The following WSCD2 variants were observed in gnomAD, a reference collection of about 807,000 sequenced individuals.
WSCD2 encodes the protein sialate:O-sulfotransferase 2.
A neutral mutation model predicts 55.7 loss-of-function variants in WSCD2; 28 were observed. The ratio of observed to expected loss-of-function variants is 0.50; its 90% CI spans 0.37 to 0.69. The LOEUF (loss-of-function observed/expected upper bound fraction) is 0.69. Ranked by LOEUF, WSCD2 falls within the 30% of genes least tolerant of loss-of-function variation. The pLI is 0.00. For synonymous variants in WSCD2, 301 were observed against 301.9 expected, an observed-to-expected ratio of 1.00 and a Z score of 0.03; for missense variants, 616 against 762.1, an observed-to-expected ratio of 0.81 and a Z score of 2.26.
intron 1 of WSCD2, among the ~76,000 whole-genome samples, chr12:108,158,868 C>T (rs548993416): frequency 6.6e-6 from 1 of 152,232 alleles, no homozygotes; most frequent in South Asian, 2.1e-4. Context: ...AAAGCAGATC[C>T]CACCCCACCC....
At chr12:108,228,367 T>C (rs1200133238) in intron 6 of WSCD2, among the ~76,000 whole-genome samples, 3 of 152,200 alleles carry the variant, frequency 2.0e-5, no homozygotes, top group East Asian at 3.8e-4. Flanking sequence ...ACTTTACAGA[T>C]GACAGAACTA....
chr12:108,235,904 T>C (rs1225034064), intron 7 of WSCD2, among the ~76,000 whole-genome samples: 1 of 152,180 alleles, frequency 6.6e-6, no homozygotes, highest in Non-Finnish European at 1.5e-5. Flanking sequence ...AAGAGCCGCT[T>C]GCCCCCCAAC....
chr12:108,152,644 G>T (rs565474418), intron 1 of WSCD2, among the ~76,000 whole-genome samples: 1 of 152,334 alleles, frequency 6.6e-6, no homozygotes, highest in East Asian at 1.9e-4. Flanking sequence ...GCCTTTGGAG[G>T]CCAGGTGGGT....
At chr12:108,216,587 G>A (rs1426361) in intron 4 of WSCD2, among the ~76,000 whole-genome samples, 101,950 of 152,180 alleles carry the variant, frequency 0.67, 34,519 homozygotes, top group East Asian at 0.71. Context: ...GTGAACCTTG[G>A]CTACCTGGAA....
intron 1 of WSCD2, among the ~76,000 whole-genome samples, chr12:108,194,268 G>C (rs555157607): frequency 6.6e-6 from 1 of 152,298 alleles, no homozygotes; most frequent in African/African-American, 2.4e-5. Flanking sequence ...GCTCTCAGGT[G>C]ATTCTGAATC....
At chr12:108,220,442 G>A (rs1481124551) in intron 4 of WSCD2, among the ~76,000 whole-genome samples, 1 of 152,214 alleles carries the variant, frequency 6.6e-6, no homozygotes, top group Non-Finnish European at 1.5e-5. Context: ...GAATGGGAGA[G>A]TTCAATGAGA....
In WSCD2 at chr12:108,168,626, A is replaced by G. The variant is rs114123493; in HGVS notation, c.-551-26656A>G. ...AATGGGGATACTGTGACTAGTACCTATCTCATGGGGTTGTTGCAGTGATTA... is the reference window on the plus strand; with the variant it reads ...AATGGGGATACTGTGACTAGTACCTGTCTCATGGGGTTGTTGCAGTGATTA... On this transcript the variant is annotated intron_variant, in intron 1 of 8. Transcript: ENST00000547525. 5.6e-3 allele frequency among the ~76,000 whole-genome samples: 848 copies of G among 152,308 alleles called. 7 individuals are homozygous for G. The highest frequency in any genetic ancestry group is 0.02 in the African/African-American group (818 of 41,578).
rs117692379 is a variant in WSCD2 at position 108,234,587 on chromosome 12, G to A, written c.1144+1692G>A. 5.0e-3 allele frequency among the ~76,000 whole-genome samples: 760 copies of A among 152,340 alleles called. 4 individuals carry two copies. Among genetic ancestry groups the A allele is most frequent in the Non-Finnish European group, 8.3e-3 (564 of 68,028 alleles). On this transcript the variant is annotated intron_variant, in intron 7 of 8. Coordinates refer to ENST00000547525, the MANE Select transcript of WSCD2 (RefSeq NM_014653.4). Reference sequence around the variant, plus strand: ...ATATCAGGATTTGAACCCAGGGCTGGCTGTCAGCAGTCCCTATGATCTTAA... The same window carrying A: ...ATATCAGGATTTGAACCCAGGGCTGACTGTCAGCAGTCCCTATGATCTTAA...
intron 1 of WSCD2, among the ~76,000 whole-genome samples, chr12:108,140,700 G>C (rs1876705952): frequency 6.6e-6 from 1 of 152,100 alleles, no homozygotes; most frequent in Admixed American, 6.5e-5. Context: ...CCCCAGCCAG[G>C]GGCCTTTCCT....
At chr12:108,247,765 CA>C (rs1890187514) in intron 8 of WSCD2, among the ~76,000 whole-genome samples, 1 of 152,182 alleles carries the variant, frequency 6.6e-6, no homozygotes, top group Admixed American at 6.5e-5. Context: ...CTATGTTGCC[CA>C]GGCTGGTCTT....
chr12:108,228,224 G>T (rs549753492), intron 6 of WSCD2, among the ~76,000 whole-genome samples: 1 of 152,284 alleles, frequency 6.6e-6, no homozygotes, highest in South Asian at 2.1e-4. Flanking sequence ...CAGCCCAAAG[G>T]AAGCCCCTGA....
chr12:108,136,256 G>A (rs143089628), intron 1 of WSCD2, among the ~76,000 whole-genome samples: 38 of 152,274 alleles, frequency 2.5e-4, no homozygotes, highest in Admixed American at 7.8e-4. Flanking sequence ...CAATGGTCCT[G>A]GGGGAAGAGT....
At position 108,248,760 on chromosome 12, in the gene WSCD2, G is replaced by C. The variant is rs1187159500; in HGVS notation, c.*417G>C. The C allele has an allele frequency of 7.0e-6, 7 of 997,302 alleles. No individual in the cohort carries two copies. In the African/African-American group the frequency reaches 1.0e-4, roughly 15 times the overall value. The allele number at this position is 997,302 out of a possible 1,614,324, so 61.8% of individuals were successfully genotyped here. On this transcript the variant is annotated 3_prime_UTR_variant, in exon 9 of 9. Coordinates refer to ENST00000547525, the MANE Select transcript of WSCD2 (RefSeq NM_014653.4). The surrounding 1 kb of genome is among the most constrained non-coding windows in gnomAD (Gnocchi z 4.3). ...GGGCTATTGTAAAAACTTGGCCCCA[G>C]ATGCTTGTCCCTTCTGGGCTGAGAT... is the stretch of plus-strand genomic sequence containing the variant.
chr12:108,182,513 GGA>G (rs1221198118), intron 1 of WSCD2, among the ~76,000 whole-genome samples: 3 of 152,202 alleles, frequency 2.0e-5, no homozygotes, highest in African/African-American at 7.2e-5. Context: ...GATATGCCCA[GGA>G]GAGAGGTCTG....
chr12:108,244,392 T>A (rs1282783576), intron 8 of WSCD2: 1 of 662,878 alleles, frequency 1.5e-6, no homozygotes, highest in African/African-American at 1.8e-5. Flanking sequence ...GGATATCTAT[T>A]GTGCTTTTGG....
At chr12:108,140,216 C>T (rs1032655599) in intron 1 of WSCD2, among the ~76,000 whole-genome samples, 1 of 152,144 alleles carries the variant, frequency 6.6e-6, no homozygotes, top group Non-Finnish European at 1.5e-5. Flanking sequence ...TCTTCGCCTC[C>T]GTTTCCTCGT....
At chr12:108,226,436 A>G (rs1203613941) in intron 5 of WSCD2, among the ~76,000 whole-genome samples, 1 of 152,040 alleles carries the variant, frequency 6.6e-6, no homozygotes, top group Non-Finnish European at 1.5e-5. Flanking sequence ...TCATATCACC[A>G]TCTCATCAAG....
intron 8 of WSCD2, among the ~76,000 whole-genome samples, chr12:108,241,820 T>C (rs1403325388): frequency 1.3e-5 from 2 of 152,222 alleles, no homozygotes; most frequent in Non-Finnish European, 2.9e-5. Context: ...TGTATCCATA[T>C]AACCAAAGTC....
intron 1 of WSCD2, among the ~76,000 whole-genome samples, chr12:108,188,466 G>A (rs538977920): frequency 6.6e-6 from 1 of 152,268 alleles, no homozygotes; most frequent in African/African-American, 2.4e-5. Context: ...ATGAATGGAA[G>A]GGTGTGTCCC....
Sources: allele counts gnomAD v4.1 joint callset (sites outside exome capture counted in the v4.1 genomes callset), GRCh38; gene constraint gnomAD v4.1.1; non-coding constraint Gnocchi (gnomAD v3.1); transcripts MANE v1.5; gene names NCBI Gene and HGNC (gene_info 2026-07-23, HGNC 2026-07-21).